The following GRIK4 variants were observed in gnomAD, a reference collection of about 807,000 sequenced individuals.
GRIK4 encodes the protein glutamate receptor ionotropic, kainate 4.
Under a neutral mutation model 104.9 loss-of-function variants are expected in GRIK4, and 40 were observed. That is an observed-to-expected ratio of 0.38 (90% confidence interval 0.30 to 0.50). The LOEUF (loss-of-function observed/expected upper bound fraction) is 0.50. Among genes scored for constraint, GRIK4 ranks in the 20% least tolerant of loss-of-function variants. The probability of loss-of-function intolerance (pLI) is 0.93; values close to 1 mark genes in which losing one functional copy is unlikely to be tolerated. For missense variants in GRIK4, 1,047 were observed against 1,308.1 expected, an observed-to-expected ratio of 0.80 and a Z score of 3.08; for synonymous variants, 485 against 524.9, an observed-to-expected ratio of 0.92 and a Z score of 1.04.
At chr11:120,820,040 G>T (rs1953069244) in intron 6 of GRIK4, 120 bp downstream of exon 6, 7 of 882,800 alleles carry the variant, frequency 7.9e-6, no homozygotes, top group Non-Finnish European at 1.3e-5. Context: ...GATCCACAGG[G>T]CTGATAACCA....
chr11:120,686,485 T>C (rs776059056), intron 3 of GRIK4, among the ~76,000 whole-genome samples: 2 of 152,248 alleles, frequency 1.3e-5, no homozygotes, highest in Non-Finnish European at 2.9e-5. Flanking sequence ...CTCATGGCCT[T>C]ACAATAGTTG....
chr11:120,876,208 A>G (rs1284079047), intron 11 of GRIK4, among the ~76,000 whole-genome samples: 1 of 146,948 alleles, frequency 6.8e-6, no homozygotes, highest in Non-Finnish European at 1.5e-5. Context: ...AACCACCACC[A>G]TCATCATCAT....
chr11:120,756,245 C>T (rs766352398), intron 3 of GRIK4, among the ~76,000 whole-genome samples: 1 of 152,138 alleles, frequency 6.6e-6, no homozygotes, highest in African/African-American at 2.4e-5. Context: ...TGTGTGTGCC[C>T]ACGCTATATA....
chr11:120,753,979 G>C (rs1951607767), intron 3 of GRIK4, among the ~76,000 whole-genome samples: 1 of 152,068 alleles, frequency 6.6e-6, no homozygotes, highest in Non-Finnish European at 1.5e-5. Flanking sequence ...ATTCATCCCA[G>C]CCCCTGCCAA....
intron 8 of GRIK4, among the ~76,000 whole-genome samples, chr11:120,852,950 G>A (rs973836683): frequency 6.6e-6 from 1 of 152,210 alleles, no homozygotes; most frequent in Non-Finnish European, 1.5e-5. Flanking sequence ...AATGGGGTGA[G>A]ATGAGGCACA....
intron 4 of GRIK4, among the ~76,000 whole-genome samples, chr11:120,805,159 A>G (rs888113995): frequency 3.9e-5 from 6 of 152,206 alleles, no homozygotes; most frequent in African/African-American, 1.4e-4. Flanking sequence ...GTATCTTGCA[A>G]ATGAAATCAG....
chr11:120,579,268 A>C (rs1948532741), intron 1 of GRIK4, among the ~76,000 whole-genome samples: 1 of 148,154 alleles, frequency 6.7e-6, no homozygotes, highest in Non-Finnish European at 1.5e-5. Context: ...GGGGGTGCGG[A>C]ATGATGGGGG....
chr11:120,816,676 C>T (rs1952969084), intron 5 of GRIK4, among the ~76,000 whole-genome samples: 1 of 152,058 alleles, frequency 6.6e-6, no homozygotes, highest in African/African-American at 2.4e-5. Context: ...TCAGTGAGTC[C>T]CTGACGCTTT....
At chr11:120,629,546 A>C (rs1188964593) in intron 1 of GRIK4, among the ~76,000 whole-genome samples, 1 of 151,958 alleles carries the variant, frequency 6.6e-6, no homozygotes, top group Non-Finnish European at 1.5e-5. Flanking sequence ...AAGGCACCTG[A>C]ATCTCTCCTC....
At chr11:120,738,431 G>A (rs1259081706) in intron 3 of GRIK4, among the ~76,000 whole-genome samples, 1 of 152,228 alleles carries the variant, frequency 6.6e-6, no homozygotes, top group African/African-American at 2.4e-5. Flanking sequence ...GCCCTTGACT[G>A]TCTTAGTGCC....
intron 1 of GRIK4, among the ~76,000 whole-genome samples, chr11:120,598,033 C>T (rs973568100): frequency 2.0e-5 from 3 of 152,194 alleles, no homozygotes; most frequent in Admixed American, 2.0e-4. Context: ...GCCTCAGCGA[C>T]AGAGCCAAGC....
intron 14 of GRIK4, among the ~76,000 whole-genome samples, chr11:120,947,274 C>T (rs562761397): frequency 1.4e-4 from 21 of 152,044 alleles, no homozygotes; most frequent in African/African-American, 4.1e-4. Flanking sequence ...TGGTGGCACA[C>T]GCCTGTAATC....
intron 1 of GRIK4, among the ~76,000 whole-genome samples, chr11:120,542,025 G>A (rs775843221): frequency 6.6e-6 from 1 of 151,946 alleles, no homozygotes; most frequent in Non-Finnish European, 1.5e-5. Context: ...CTTAAACAAA[G>A]TTGGAGACAT....
chr11:120,724,257 T>C (rs900639052), intron 3 of GRIK4, among the ~76,000 whole-genome samples: 16 of 152,200 alleles, frequency 1.1e-4, no homozygotes, highest in African/African-American at 3.9e-4. Flanking sequence ...CAAGCGATCC[T>C]CCTTACTCAG....
chr11:120,899,418 CAAAAAA>C (rs57401981), intron 12 of GRIK4, among the ~76,000 whole-genome samples: 3 of 71,838 alleles, frequency 4.2e-5, no homozygotes, highest in South Asian at 4.8e-4. Flanking sequence ...GAGACTGTCT[CAAAAAA>C]AAAAAAAAAA....
At chr11:120,651,257 A>C (rs1319448602) in intron 1 of GRIK4, among the ~76,000 whole-genome samples, 2 of 152,208 alleles carry the variant, frequency 1.3e-5, no homozygotes, top group Non-Finnish European at 2.9e-5. Context: ...ATTATACTTG[A>C]GGTCTCTTGA....
chr11:120,620,682 G>A (rs552039941), intron 1 of GRIK4, among the ~76,000 whole-genome samples: 1 of 152,104 alleles, frequency 6.6e-6, no homozygotes, highest in South Asian at 2.1e-4. Flanking sequence ...GAAAAGTTCT[G>A]GTTTAATTTT....
At chr11:120,899,750 C>T (rs989571095) in intron 12 of GRIK4, among the ~76,000 whole-genome samples, 3 of 152,204 alleles carry the variant, frequency 2.0e-5, no homozygotes, top group African/African-American at 7.2e-5. Flanking sequence ...TCCCCTCCCC[C>T]TTTTAACTAA....
chr11:120,631,125 T>G (rs949757391), intron 1 of GRIK4, among the ~76,000 whole-genome samples: 4 of 152,268 alleles, frequency 2.6e-5, no homozygotes, highest in African/African-American at 9.6e-5. Flanking sequence ...CACATAGCAC[T>G]CAGCACGGTG....
Sources: allele counts gnomAD v4.1 joint callset (sites outside exome capture counted in the v4.1 genomes callset), GRCh38; gene constraint gnomAD v4.1.1; transcripts MANE v1.5; gene names NCBI Gene and HGNC (gene_info 2026-07-23, HGNC 2026-07-21).